DAGLB: variants seen among roughly 807,000 people sequenced by gnomAD.
DAGLB encodes the protein diacylglycerol lipase beta, also known as diacylglycerol lipase-beta.
In DAGLB, 66 loss-of-function variants were observed where a neutral mutation model predicts 72.1. The observed-to-expected ratio is 0.92, with a 90% confidence interval of 0.75 to 1.12. The LOEUF is 1.12. Among genes scored for constraint, DAGLB ranks in the 50% most tolerant of loss-of-function variants. The probability of loss-of-function intolerance (pLI) is 0.00; values close to 1 mark genes in which losing one functional copy is unlikely to be tolerated. For synonymous variants in DAGLB, 414 were observed against 359.5 expected, an observed-to-expected ratio of 1.15 and a Z score of -1.71; for missense variants, 1,065 against 884.9, an observed-to-expected ratio of 1.20 and a Z score of -2.58.
intron 8 of DAGLB, among the ~76,000 whole-genome samples, chr7:6,423,585 G>A (rs934259264): frequency 1.3e-5 from 2 of 151,048 alleles, no homozygotes; most frequent in South Asian, 2.1e-4. Flanking sequence ...CACCATGCCC[G>A]GCTAATTTTT....
chr7:6,440,850 C>G (rs1322314325), intron 2 of DAGLB, among the ~76,000 whole-genome samples: 1 of 152,106 alleles, frequency 6.6e-6, no homozygotes, highest in Non-Finnish European at 1.5e-5. Flanking sequence ...GCCTGGGCAA[C>G]AGAGCAAAAT....
chr7:6,443,954 G>GT (rs1175853083), intron 2 of DAGLB, among the ~76,000 whole-genome samples: 2 of 152,102 alleles, frequency 1.3e-5, no homozygotes, highest in Non-Finnish European at 2.9e-5. Context: ...ACAGAAAACT[G>GT]TAACACATAT....
rs754337772 is a variant in DAGLB, at chr7:6,416,608, C to G, written c.1427+19G>C. 1 of 1,577,958 alleles carries G rather than the reference C, an allele frequency of 6.3e-7. No homozygotes were observed. Among genetic ancestry groups the G allele is most frequent in the Admixed American group, 2.0e-5 (1 of 50,758 alleles). On this transcript the variant is annotated intron_variant, in intron 11 of 14. Transcript: ENST00000297056. ...ACTTGTAAGTAGCAAGCTGTTAGAG[C>G]AGGAAAACAAAGGCTCACCTCCACA...
At chr7:6,440,488 C>T (rs1181732435) in intron 2 of DAGLB, among the ~76,000 whole-genome samples, 1 of 152,178 alleles carries the variant, frequency 6.6e-6, no homozygotes, top group Non-Finnish European at 1.5e-5. Flanking sequence ...GTTCCCTCCA[C>T]ATCTTGTGAT....
chr7:6,441,269 T>G (rs1251930337), intron 2 of DAGLB, among the ~76,000 whole-genome samples: 1 of 151,040 alleles, frequency 6.6e-6, no homozygotes, highest in Non-Finnish European at 1.5e-5. Context: ...TTTTTGTACT[T>G]TTTAGTAGAG....
rs762877574 is a variant in DAGLB at position 6,430,552 on chromosome 7, G to A, written c.857C>T (p.Ala286Val). ...ENCHHYMQFA[A>V]AAYGWPLYIY... ...GTAGAGGGGCCACCCATAGGCCGCT[G>A]CTGCAAACTGCATGTAATGATGGCA... The change falls in exon 6 of 15, where the codon GCA becomes GTA. Residue 286 changes from alanine (A) to valine (V), a missense_variant. Transcript: ENST00000297056. The A allele has an allele frequency of 6.2e-7, 1 of 1,604,162 alleles. No individual in the cohort carries two copies. Among genetic ancestry groups the A allele is most frequent in the Non-Finnish European group, 8.5e-7 (1 of 1,173,402 alleles).
intron 5 of DAGLB, among the ~76,000 whole-genome samples, chr7:6,431,718 G>A (rs1784494205): frequency 6.6e-6 from 1 of 152,124 alleles, no homozygotes; most frequent in South Asian, 2.1e-4. Context: ...GGTGCAGTGA[G>A]CCAAGATCAT....
chr7:6,435,007 C>T lies in DAGLB; in HGVS notation c.433G>A (p.Ala145Thr), dbSNP rs764153612. 1.2e-5 allele frequency: 19 copies of T among 1,613,288 alleles called. No homozygotes were observed. The highest frequency in any genetic ancestry group is 9.3e-5 in the African/African-American group (7 of 74,890). The change falls in exon 4 of 15, where the codon GCT (alanine) becomes ACT (threonine). Residue 145 changes from alanine (A) to threonine (T), a missense_variant. Coordinates refer to ENST00000297056, the MANE Select transcript of DAGLB (RefSeq NM_139179.4). Reference protein sequence around the residue: ...ATVVVSWIIIAATVVSIIIVF... With the variant: ...ATVVVSWIIITATVVSIIIVF... ...ATGATAATGGAAACCACTGTGGCAG[C>T]GATGATGATCCAACTGCAAGACAGA...
intron 1 of DAGLB, among the ~76,000 whole-genome samples, chr7:6,446,629 C>T (rs942266469): frequency 3.9e-5 from 6 of 151,918 alleles, no homozygotes; most frequent in African/African-American, 1.4e-4. Context: ...CTCCTGGCTT[C>T]AAGTGATCTT....
At chr7:6,444,211 T>G (rs145707823) in intron 2 of DAGLB, among the ~76,000 whole-genome samples, 66 of 152,340 alleles carry the variant, frequency 4.3e-4, no homozygotes, top group African/African-American at 1.4e-3. Flanking sequence ...TATTTGAGGC[T>G]GCAGTGAGCT....
At chr7:6,426,594 C>A (rs1485634475) in intron 6 of DAGLB, among the ~76,000 whole-genome samples, 1 of 152,166 alleles carries the variant, frequency 6.6e-6, no homozygotes. Context: ...AAAGATAATA[C>A]CTCTCTGTGT....
intron 13 of DAGLB, among the ~76,000 whole-genome samples, chr7:6,410,597 G>A (rs1467151406): frequency 6.6e-6 from 1 of 152,148 alleles, no homozygotes; most frequent in East Asian, 1.9e-4. Flanking sequence ...ATGAGTGTGG[G>A]CTCTCTCTTG....
At chr7:6,437,217 G>A (rs1784693460) in intron 2 of DAGLB, among the ~76,000 whole-genome samples, 2 of 150,896 alleles carry the variant, frequency 1.3e-5, no homozygotes, top group South Asian at 4.2e-4. Context: ...GAGACAACAG[G>A]CACAAAACAG....
At chr7:6,432,980 G>C in intron 4 of DAGLB, 21 bp from the exon 5 acceptor site, 1 of 1,610,394 alleles carries the variant, frequency 6.2e-7, no homozygotes, top group Non-Finnish European at 8.5e-7. Flanking sequence ...AACCACAATG[G>C]CCTGTCATAA....
At chr7:6,436,565 T>A in intron 2 of DAGLB, 32 bp from the exon 3 acceptor site, 1 of 1,613,256 alleles carries the variant, frequency 6.2e-7, no homozygotes, top group South Asian at 1.1e-5. Flanking sequence ...GACTGCTCAG[T>A]TGCTTCCTCA....
At chr7:6,427,196 C>G (rs1784341231) in intron 6 of DAGLB, among the ~76,000 whole-genome samples, 1 of 152,106 alleles carries the variant, frequency 6.6e-6, no homozygotes, top group Non-Finnish European at 1.5e-5. Flanking sequence ...AGCAGATGCC[C>G]TTTTTGTAGT....
intron 6 of DAGLB, among the ~76,000 whole-genome samples, chr7:6,430,250 C>CATATACATATATATATATATATATATAT (rs1491373912): frequency 4.4e-5 from 2 of 45,748 alleles, no homozygotes; most frequent in African/African-American, 2.1e-4. Context: ...AATACATGTG[C>CATATACATATATATATATATATATATAT]ATATATATAT....
At chr7:6,423,147 G>C (rs781507749) in intron 8 of DAGLB, among the ~76,000 whole-genome samples, 6 of 152,182 alleles carry the variant, frequency 3.9e-5, no homozygotes, top group Admixed American at 6.5e-5. Flanking sequence ...AGCTACTTGA[G>C]AGGCTGAGGC....
In DAGLB at chr7:6,447,786, G is replaced by C; in HGVS notation, c.57C>G (p.Val19=). The change falls in exon 1 of 15, where the codon GTC becomes GTG. Residue 19 remains valine (V), a synonymous_variant. Transcript: ENST00000297056. ...RRWAIASDDL[V]FPGFFELVVR... ...CGACCAGCTCGAAGAACCCTGGGAA[G>C]ACCAAGTCGTCGCTGGCGATGGCCC... 1.9e-6 allele frequency: 3 copies of C among 1,613,740 alleles called. No individual in the cohort carries two copies. The highest frequency in any genetic ancestry group is 2.5e-6 in the Non-Finnish European group (3 of 1,179,878).
Sources: allele counts gnomAD v4.1 joint callset (sites outside exome capture counted in the v4.1 genomes callset), GRCh38; gene constraint gnomAD v4.1.1; transcripts MANE v1.5; gene names NCBI Gene and HGNC (gene_info 2026-07-23, HGNC 2026-07-21).